The following CCND3 variants were observed in gnomAD, a reference collection of about 807,000 sequenced individuals.
The protein encoded by CCND3 is G1/S-specific cyclin-D3.
Under a neutral mutation model 28.7 loss-of-function variants are expected in CCND3, and 9 were observed. That is an observed-to-expected ratio of 0.31 (90% CI 0.19 to 0.55). The LOEUF is 0.55. Among genes scored for constraint, CCND3 ranks in the 20% least tolerant of loss-of-function variants. The pLI, the probability that CCND3 is intolerant of heterozygous loss-of-function variation, is 0.93. For synonymous variants in CCND3, 164 were observed against 163.9 expected (o/e 1.00, Z 0.00); for missense variants, 315 against 385.8 (o/e 0.82, Z 1.54).
chr6:42,015,260 G>A (rs919608346), intron 1 of CCND3, among the ~76,000 whole-genome samples: 17 of 152,056 alleles, frequency 1.1e-4, no homozygotes, highest in Admixed American at 9.2e-4. Context: ...TCAAAGTAGC[G>A]CCACCCAAGG....
chr6:42,048,359 G>T lies in CCND3; in HGVS notation c.-46+142C>A, dbSNP rs1316330101. The T allele has an allele frequency of 2.9e-6, 1 of 343,686 alleles. No homozygotes were observed. The highest frequency in any genetic ancestry group is 2.2e-5 in the African/African-American group (1 of 46,042). 21.3% of individuals were successfully genotyped at this position (343,686 alleles called of 1,614,324 possible). A position where few individuals can be genotyped will look rare whatever the true frequency, so the allele number is the denominator to read the frequency against. On this transcript the variant is annotated intron_variant, in intron 1 of 4. Coordinates refer to the CCND3 transcript ENST00000372988. This position sits in a 1 kb window ranked among gnomAD's most constrained non-coding sequence, Gnocchi z 4.7. Reference sequence around the variant, plus strand: ...GCAGAACACCTCACTCAGTGGGAAAGTGAGCCAAGCTTTCGGTGCCAACTA... The same window carrying T: ...GCAGAACACCTCACTCAGTGGGAAATTGAGCCAAGCTTTCGGTGCCAACTA...
intron 1 of CCND3, among the ~76,000 whole-genome samples, chr6:42,034,933 C>T (rs911119976): frequency 2.6e-4 from 39 of 152,102 alleles, no homozygotes. Context: ...CACTTCCTTG[C>T]CAAGAGTGCT....
chr6:41,940,404 T>C lies in CCND3; in HGVS notation c.380A>G (p.Tyr127Cys). ...TPLTIEKLCI[Y>C]TDHAVSPRQL... ...GCGGGGAGAGACAGCGTGGTCGGTG[T>C]AGATGCACAGTTTTTCGATGGTCAG... Residue 127 changes from tyrosine (Y) to cysteine (C), a missense_variant, in exon 2 of 5, where the codon TAC (tyrosine) becomes TGC (cysteine). Coordinates refer to ENST00000372991, the MANE Select transcript of CCND3 (RefSeq NM_001760.5). The C allele has an allele frequency of 6.2e-7, 1 of 1,614,046 alleles. No individual in the cohort carries two copies. The highest frequency in any genetic ancestry group is 8.5e-7 in the Non-Finnish European group (1 of 1,180,006).
At position 41,936,203 on chromosome 6, in the gene CCND3, C is replaced by G; in HGVS notation, c.712-96G>C. The G allele has an allele frequency of 7.3e-7, 1 of 1,377,000 alleles. No homozygotes were observed. The highest frequency in any genetic ancestry group is 1.4e-5 in the South Asian group (1 of 70,892). The allele number at this position is 1,377,000 out of a possible 1,614,324, so 85.3% of individuals were successfully genotyped here. On this transcript the variant is annotated intron_variant, in intron 4 of 4. Transcript: ENST00000372991. The surrounding 1 kb of genome is among the most constrained non-coding windows in gnomAD (Gnocchi z 4.4). ...GACAGCTCCCAACACATGGGGAAGT[C>G]TGGGGAGGTTAGGCCACAGCCCGGC...
chr6:41,942,294 G>C (rs979407100), upstream of CCND3, among the ~76,000 whole-genome samples: 3 of 152,174 alleles, frequency 2.0e-5, no homozygotes, highest in Admixed American at 6.5e-5. Context: ...GGCAGAGCTA[G>C]GATTGGGAAG....
chr6:42,031,265 G>T (rs80080085), intron 1 of CCND3: 7,720 of 152,274 alleles, frequency 0.051, 347 homozygotes, highest in African/African-American at 0.11. Context: ...GCTTGAAGCT[G>T]AGTCATCTGC....
rs1231018364 is a variant in CCND3, at chr6:42,048,643, G to A, written c.-188C>T. 1 of 518,218 alleles carries A rather than the reference G, an allele frequency of 1.9e-6. No individual in the cohort carries two copies. 32.1% of individuals were successfully genotyped at this position (518,218 alleles called of 1,614,324 possible). A position where few individuals can be genotyped will look rare whatever the true frequency, so the allele number is the denominator to read the frequency against. On this transcript the variant is annotated 5_prime_UTR_variant, in exon 1 of 5. Coordinates refer to the CCND3 transcript ENST00000372988. The surrounding 1 kb of genome is among the most constrained non-coding windows in gnomAD (Gnocchi z 4.7). ...GGATTGCACCTCTCCCCCCCGGCCGGCATCCGAACAGAGCCAGTCTCCACC... is the reference window on the plus strand; with the variant it reads ...GGATTGCACCTCTCCCCCCCGGCCGACATCCGAACAGAGCCAGTCTCCACC...
chr6:41,943,195 T>C (rs571259230), upstream of CCND3, among the ~76,000 whole-genome samples: 1 of 152,312 alleles, frequency 6.6e-6, no homozygotes, highest in Non-Finnish European at 1.5e-5. Flanking sequence ...AATTGTATTG[T>C]AGTTTTCATA....
intron 1 of CCND3, among the ~76,000 whole-genome samples, chr6:41,986,159 C>T (rs1011969121): frequency 6.6e-6 from 1 of 152,006 alleles, no homozygotes; most frequent in African/African-American, 2.4e-5. Flanking sequence ...ATGCCAGTAC[C>T]ATGCTATTTT....
rs1775782882 is a variant in CCND3 at position 41,936,066 on chromosome 6, G to A, written c.753C>T (p.Leu251=). 6.2e-7 allele frequency: 1 copy of A among 1,611,672 alleles called. No individual in the cohort carries two copies. The highest frequency in any genetic ancestry group is 1.3e-5 in the African/African-American group (1 of 74,870). Reference sequence around the variant, plus strand: ...GAGAGGCTTCCCTGAGGCTCTCCCTGAGTGCAGCTTCGATCTGCTCCTGAC... The same window carrying A: ...GAGAGGCTTCCCTGAGGCTCTCCCTAAGTGCAGCTTCGATCTGCTCCTGAC... The part of the protein sequence containing the change: ...RACQEQIEAA[L]RESLREASQT... Residue 251 remains leucine (L), a synonymous_variant, in exon 5 of 5, where the codon CTC becomes CTT. Coordinates refer to ENST00000372991, the MANE Select transcript of CCND3 (RefSeq NM_001760.5). The surrounding 1 kb of genome is among the most constrained non-coding windows in gnomAD (Gnocchi z 4.4).
intron 1 of CCND3, among the ~76,000 whole-genome samples, chr6:42,026,189 A>T (rs886503715): frequency 6.6e-6 from 1 of 152,086 alleles, no homozygotes; most frequent in South Asian, 2.1e-4. Flanking sequence ...CCCTGCTCAC[A>T]TTACATTTGA....
chr6:42,035,280 T>C (rs1764171688), intron 1 of CCND3, among the ~76,000 whole-genome samples: 1 of 152,208 alleles, frequency 6.6e-6, no homozygotes, highest in African/African-American at 2.4e-5. Context: ...AAATAATTAC[T>C]AATTTCCATT....
upstream of CCND3, among the ~76,000 whole-genome samples, chr6:41,943,115 G>A (rs1309801867): frequency 1.3e-5 from 2 of 151,890 alleles, no homozygotes; most frequent in Non-Finnish European, 2.9e-5. Flanking sequence ...GCCGGTCTCG[G>A]CCTCCAAAAG....
At chr6:42,021,623 C>A (rs894420378) in intron 1 of CCND3, among the ~76,000 whole-genome samples, 2 of 152,138 alleles carry the variant, frequency 1.3e-5, no homozygotes, top group African/African-American at 4.8e-5. Flanking sequence ...GGAGGAGGAA[C>A]TGGGTGGATT....
intron 1 of CCND3, among the ~76,000 whole-genome samples, chr6:42,035,390 C>G (rs898540547): frequency 2.0e-5 from 3 of 152,056 alleles, no homozygotes; most frequent in Admixed American, 6.6e-5. Context: ...TTTTTTGAGA[C>G]GGAGTCTCAC....
chr6:42,039,548 C>T (rs1040919276), intron 1 of CCND3, among the ~76,000 whole-genome samples: 1 of 152,242 alleles, frequency 6.6e-6, no homozygotes, highest in Non-Finnish European at 1.5e-5. Flanking sequence ...CAGACTTACG[C>T]TCTCAGCTGC....
rs1261808027 is a variant in CCND3, at chr6:41,941,733, T to TCTGGCG, written c.-90_-85dup. On this transcript the variant is annotated 5_prime_UTR_variant, in exon 1 of 5. Transcript: ENST00000372991. The surrounding 1 kb of genome is among the most constrained non-coding windows in gnomAD (Gnocchi z 6.1). Reference sequence around the variant, plus strand: ...CGGGCCGGAGAGCGCGGGGCGCGGGTCTGGCGCTGGCGCTGGCACTGCGCG... The same window carrying TCTGGCG: ...CGGGCCGGAGAGCGCGGGGCGCGGGTCTGGCGCTGGCGCTGGCGCTGGCACTGCGCG... 101 of 1,049,246 alleles carry TCTGGCG rather than the reference T, an allele frequency of 9.6e-5. No homozygotes were observed. The highest frequency in any genetic ancestry group is 6.4e-4 in the South Asian group (20 of 31,242). 65.0% of individuals were successfully genotyped at this position (1,049,246 alleles called of 1,614,324 possible).
chr6:41,968,443 C>A (rs1011497940), intron 1 of CCND3, among the ~76,000 whole-genome samples: 3 of 151,830 alleles, frequency 2.0e-5, no homozygotes, highest in African/African-American at 7.3e-5. Context: ...AAGGATGCAG[C>A]CAAAAAACCT....
chr6:42,038,515 G>A (rs997272766), intron 1 of CCND3, among the ~76,000 whole-genome samples: 5 of 151,314 alleles, frequency 3.3e-5, no homozygotes, highest in African/African-American at 1.2e-4. Context: ...ACTCTAGCCT[G>A]GGTGACAGAG....
Sources: allele counts gnomAD v4.1 joint callset (sites outside exome capture counted in the v4.1 genomes callset), GRCh38; gene constraint gnomAD v4.1.1; non-coding constraint Gnocchi (gnomAD v3.1); transcripts MANE v1.5; gene names NCBI Gene and HGNC (gene_info 2026-07-23, HGNC 2026-07-21).